Variants in MBNL3 observed in about 807,000 individuals in gnomAD.
MBNL3 encodes the protein muscleblind-like protein 3.
Under a neutral mutation model 24.5 loss-of-function variants are expected in MBNL3, and 6 were observed. The ratio of observed to expected loss-of-function variants is 0.25; its 90% CI spans 0.13 to 0.48. The LOEUF (loss-of-function observed/expected upper bound fraction) is 0.48, where lower values mean the gene tolerates loss of function less well. MBNL3 is among the 20% of genes least tolerant of loss of function. MBNL3 has a pLI of 0.99. For missense variants in MBNL3, 230 were observed against 293.5 expected, an observed-to-expected ratio of 0.78 and a Z score of 1.58; for synonymous variants, 100 against 101.7, an observed-to-expected ratio of 0.98 and a Z score of 0.10.
At chrX:132,464,253 A>T (rs1242477326) in intron 1 of MBNL3, among the ~76,000 whole-genome samples, 1 of 112,517 alleles carries the variant, frequency 8.9e-6, no homozygotes, top group South Asian at 3.6e-4. Context: ...ACTTTTCTTA[A>T]CACTGAATCC....
intron 2 of MBNL3, among the ~76,000 whole-genome samples, chrX:132,421,682 A>G (rs1469537493): frequency 8.9e-6 from 1 of 112,340 alleles, no homozygotes; most frequent in Non-Finnish European, 1.9e-5. Flanking sequence ...AAGATTTAGC[A>G]TAACGAACAT....
chrX:132,414,170 T>C (rs955389479), intron 2 of MBNL3, among the ~76,000 whole-genome samples: 1 of 112,382 alleles, frequency 8.9e-6, no homozygotes, highest in Non-Finnish European at 1.9e-5. Context: ...CTAATTCTAA[T>C]GAACCAAATA....
intron 2 of MBNL3, among the ~76,000 whole-genome samples, chrX:132,437,279 C>T (rs1603248841): frequency 9.0e-6 from 1 of 111,285 alleles, no homozygotes; most frequent in South Asian, 3.8e-4. Context: ...ACCATAAAAA[C>T]AGTTATACTT....
intron 1 of MBNL3, among the ~76,000 whole-genome samples, chrX:132,445,146 C>A (rs1488750787): frequency 8.9e-6 from 1 of 111,891 alleles, no homozygotes; most frequent in East Asian, 2.8e-4. Flanking sequence ...ACAATGTTTT[C>A]TTTGTTTCCA....
intron 5 of MBNL3, among the ~76,000 whole-genome samples, chrX:132,390,272 A>C (rs961800928): frequency 2.2e-4 from 22 of 101,951 alleles, no homozygotes; most frequent in Non-Finnish European, 3.2e-4. Flanking sequence ...CAACAAAAAA[A>C]AAAAAAAAAA....
At chrX:132,398,795 C>T (rs753763498) in intron 3 of MBNL3, among the ~76,000 whole-genome samples, 5 of 110,584 alleles carry the variant, frequency 4.5e-5, no homozygotes, top group African/African-American at 1.6e-4. Flanking sequence ...TTTGACCAAC[C>T]ACAACCACCA....
In MBNL3 at chrX:132,375,799, C is replaced by G. The variant is rs997375808; in HGVS notation, c.*3867G>C. ...AATCATTCTGTACCTCATAGCCTACCCTACAGACTAAAGGAACTCGGAAAA... is the reference window on the plus strand; with the variant it reads ...AATCATTCTGTACCTCATAGCCTACGCTACAGACTAAAGGAACTCGGAAAA... On this transcript the variant is annotated 3_prime_UTR_variant, in exon 9 of 9. Coordinates refer to ENST00000370853, the MANE Select transcript of MBNL3 (RefSeq NM_001386889.1). The G allele has an allele frequency of 2.8e-4, 31 of 111,028 alleles. No homozygotes were observed. Among genetic ancestry groups the G allele is most frequent in the African/African-American group, 1.0e-3 (31 of 30,635 alleles). The allele number at this position is 111,028 out of a possible 1,213,427, so 9.1% of individuals were successfully genotyped here. A position where few individuals can be genotyped will look rare whatever the true frequency, so the allele number is the denominator to read the frequency against.
At chrX:132,445,388 A>T (rs939759681) in intron 1 of MBNL3, among the ~76,000 whole-genome samples, 1 of 111,209 alleles carries the variant, frequency 9.0e-6, no homozygotes, top group African/African-American at 3.3e-5. Flanking sequence ...AGCACAGCAG[A>T]TGGAAACCAT....
At chrX:132,433,384 A>C (rs1315994942) in intron 2 of MBNL3, among the ~76,000 whole-genome samples, 3 of 112,028 alleles carry the variant, frequency 2.7e-5, no homozygotes. Context: ...GGGATAGTTA[A>C]GGTTTCCCTG....
chrX:132,410,749 C>T (rs1226319549), intron 2 of MBNL3, among the ~76,000 whole-genome samples: 1 of 112,201 alleles, frequency 8.9e-6, no homozygotes, highest in African/African-American at 3.2e-5. Context: ...GAGGAAGTAA[C>T]AGTGATTTCA....
intron 1 of MBNL3, among the ~76,000 whole-genome samples, chrX:132,458,326 T>C (rs1388384766): frequency 1.8e-5 from 2 of 109,574 alleles, no homozygotes; most frequent in East Asian, 5.6e-4. Flanking sequence ...AAAAAACTTA[T>C]GTGTAGGCCC....
chrX:132,433,180 C>T (rs182389418), intron 2 of MBNL3, among the ~76,000 whole-genome samples: 1 of 111,910 alleles, frequency 8.9e-6, no homozygotes, highest in East Asian at 2.8e-4. Flanking sequence ...GCAGATGGGT[C>T]CTGGTCACAT....
At chrX:132,397,696 G>A (rs188235827) in intron 3 of MBNL3, among the ~76,000 whole-genome samples, 4 of 110,964 alleles carry the variant, frequency 3.6e-5, no homozygotes, top group South Asian at 7.5e-4. Context: ...CTCTTTTTAC[G>A]GTCATCATGC....
intron 2 of MBNL3, among the ~76,000 whole-genome samples, chrX:132,416,510 A>G (rs926423681): frequency 4.5e-5 from 5 of 111,782 alleles, no homozygotes; most frequent in African/African-American, 1.3e-4. Context: ...AATAAGGTCT[A>G]GTATTCAGTA....
chrX:132,427,367 T>C (rs1476027224), intron 2 of MBNL3, among the ~76,000 whole-genome samples: 2 of 111,394 alleles, frequency 1.8e-5, no homozygotes, highest in African/African-American at 6.5e-5. Context: ...GAACACTTTT[T>C]TTGGTTAGTA....
In MBNL3 at chrX:132,377,896, G is replaced by A. The variant is rs1934284675; in HGVS notation, c.*1770C>T. The A allele has an allele frequency of 9.1e-6, 1 of 109,532 alleles. No homozygotes were observed. Among genetic ancestry groups the A allele is most frequent in the South Asian group, 3.9e-4 (1 of 2,544 alleles). The allele number at this position is 109,532 out of a possible 1,213,427, so 9.0% of individuals were successfully genotyped here. A position where few individuals can be genotyped will look rare whatever the true frequency, so the allele number is the denominator to read the frequency against. The stretch of plus-strand genomic sequence containing the variant: ...CTAGAAAATATTAAATCTATTACTT[G>A]ATGTAAAATGTCATGTGTTTCCACC... On this transcript the variant is annotated 3_prime_UTR_variant, in exon 9 of 9. Coordinates refer to ENST00000370853, the MANE Select transcript of MBNL3 (RefSeq NM_001386889.1).
intron 2 of MBNL3, among the ~76,000 whole-genome samples, chrX:132,406,860 A>G (rs1941909854): frequency 8.9e-6 from 1 of 111,824 alleles, no homozygotes; most frequent in Admixed American, 9.4e-5. Context: ...TGAACTCATG[A>G]GCAGTATATA....
chrX:132,421,934 TA>T (rs894413487), intron 2 of MBNL3, among the ~76,000 whole-genome samples: 19 of 110,785 alleles, frequency 1.7e-4, no homozygotes, highest in African/African-American at 5.9e-4. Context: ...CTTAAAATAT[TA>T]AAAAAAAATT....
intron 1 of MBNL3, among the ~76,000 whole-genome samples, chrX:132,469,592 T>C (rs754231845): frequency 4.5e-5 from 5 of 112,111 alleles, no homozygotes; most frequent in Non-Finnish European, 9.4e-5. Context: ...TTGCCTCTGT[T>C]TAAAAATAGA....
Sources: gnomAD v4.1 joint callset for allele counts (sites outside exome capture counted in the v4.1 genomes callset) on GRCh38, gnomAD v4.1.1 for gene constraint, MANE v1.5 for transcripts, NCBI Gene and HGNC (gene_info 2026-07-23, HGNC 2026-07-21) for gene names.